The following CHRM3 variants were observed in gnomAD, a reference collection of about 807,000 sequenced individuals.
The protein encoded by CHRM3 is cholinergic receptor muscarinic 3.
Under a neutral mutation model 41.8 loss-of-function variants are expected in CHRM3, and 11 were observed. The ratio of observed to expected loss-of-function variants is 0.26; its 90% CI spans 0.17 to 0.44. The LOEUF (loss-of-function observed/expected upper bound fraction) is 0.44, where lower values mean the gene tolerates loss of function less well. CHRM3 is among the 20% of genes least tolerant of loss of function. CHRM3 has a pLI of 1.00. For synonymous variants in CHRM3, 297 were observed against 301.4 expected, an observed-to-expected ratio of 0.99 and a Z score of 0.15; for missense variants, 571 against 745.4, an observed-to-expected ratio of 0.77 and a Z score of 2.72.
chr1:239,859,380 T>C (rs1675390556), intron 6 of CHRM3, among the ~76,000 whole-genome samples: 1 of 151,928 alleles, frequency 6.6e-6, no homozygotes, highest in African/African-American at 2.4e-5. Context: ...CATCTTTTTA[T>C]GGATTTGTTG....
At chr1:239,900,827 G>T (rs191988418) in intron 6 of CHRM3, among the ~76,000 whole-genome samples, 1 of 152,160 alleles carries the variant, frequency 6.6e-6, no homozygotes, top group African/African-American at 2.4e-5. Context: ...TACATGTAAA[G>T]TGTGTATAAT....
At chr1:239,407,946 A>T (rs915356832) in intron 1 of CHRM3, among the ~76,000 whole-genome samples, 1 of 152,164 alleles carries the variant, frequency 6.6e-6, no homozygotes, top group African/African-American at 2.4e-5. Context: ...GGAAATCTGC[A>T]ACTGAGTACC....
At chr1:239,871,739 A>G (rs1189562749) in intron 6 of CHRM3, among the ~76,000 whole-genome samples, 1 of 152,146 alleles carries the variant, frequency 6.6e-6, no homozygotes, top group East Asian at 1.9e-4. Context: ...TACCCAACCT[A>G]AAAAGGATTT....
intron 1 of CHRM3, among the ~76,000 whole-genome samples, chr1:239,417,583 T>TTG (rs1159841565): frequency 1.3e-5 from 2 of 151,100 alleles, no homozygotes; most frequent in Non-Finnish European, 3.0e-5. Flanking sequence ...TAATTTGTTT[T>TTG]TTTTTTTTTT....
chr1:239,606,376 T>A (rs12738125), intron 3 of CHRM3, among the ~76,000 whole-genome samples: 3 of 151,540 alleles, frequency 2.0e-5, no homozygotes, highest in African/African-American at 7.3e-5. Flanking sequence ...CCTGGGTTCA[T>A]GCCATTCTCC....
intron 5 of CHRM3, among the ~76,000 whole-genome samples, chr1:239,760,810 G>A (rs985209954): frequency 1.8e-4 from 27 of 152,078 alleles, no homozygotes; most frequent in Non-Finnish European, 3.5e-4. Flanking sequence ...TTTATCCCTG[G>A]CTTTAAGCAG....
intron 5 of CHRM3, among the ~76,000 whole-genome samples, chr1:239,733,066 G>C (rs949350932): frequency 1.3e-5 from 2 of 151,968 alleles, no homozygotes; most frequent in African/African-American, 2.4e-5. Flanking sequence ...CCCTCCAGAC[G>C]TCTCCATTGC....
Position 239,491,836 on chromosome 1 carries a change from C to A in CHRM3, c.-520-873C>A, listed in dbSNP as rs374297297. Among the ~76,000 whole-genome samples the A allele has an allele frequency of 3.9e-5, 6 of 152,148 alleles. No individual in the cohort carries two copies. In the East Asian group the frequency reaches 7.7e-4, roughly 20 times the overall value. ...GTTTCTATTGCTTTTTAAACTCAAT[C>A]TTACTCTTTGCCTTCTAAACCCTTC... On this transcript the variant is annotated intron_variant, in intron 1 of 6. Coordinates refer to ENST00000676153, the MANE Select transcript of CHRM3 (RefSeq NM_001375978.1).
intron 3 of CHRM3, among the ~76,000 whole-genome samples, chr1:239,565,503 A>C (rs567195750): frequency 6.6e-6 from 1 of 152,298 alleles, no homozygotes; most frequent in East Asian, 1.9e-4. Flanking sequence ...AAGTCATACT[A>C]TGAAACTGTG....
At chr1:239,887,484 A>G (rs958777750) in intron 6 of CHRM3, among the ~76,000 whole-genome samples, 5 of 152,158 alleles carry the variant, frequency 3.3e-5, no homozygotes, top group African/African-American at 9.7e-5. Context: ...CAGCCTCCCA[A>G]AGTGCTGGGA....
chr1:239,881,773 G>A (rs1677656770), intron 6 of CHRM3, among the ~76,000 whole-genome samples: 1 of 151,992 alleles, frequency 6.6e-6, no homozygotes, highest in Admixed American at 6.6e-5. Context: ...ACCCTTTTGT[G>A]GTTCTTTCCC....
intron 6 of CHRM3, among the ~76,000 whole-genome samples, chr1:239,856,462 A>G (rs1010943607): frequency 6.6e-6 from 1 of 152,032 alleles, no homozygotes; most frequent in African/African-American, 2.4e-5. Context: ...GGCCATGTGA[A>G]TATGTGTTTG....
At chr1:239,753,226 T>G (rs1665974509) in intron 5 of CHRM3, among the ~76,000 whole-genome samples, 1 of 152,186 alleles carries the variant, frequency 6.6e-6, no homozygotes, top group South Asian at 2.1e-4. Flanking sequence ...AAGGCAAGAA[T>G]TATGTCTATG....
At chr1:239,862,686 A>G (rs905828321) in intron 6 of CHRM3, among the ~76,000 whole-genome samples, 1 of 152,208 alleles carries the variant, frequency 6.6e-6, no homozygotes, top group Non-Finnish European at 1.5e-5. Context: ...GAAAATAAAT[A>G]TGACTAAGAC....
At chr1:239,898,482 G>A (rs1287537650) in intron 6 of CHRM3, 1 of 152,166 alleles carries the variant, frequency 6.6e-6, no homozygotes, top group East Asian at 1.9e-4. Flanking sequence ...GACGCAGACT[G>A]GATTACAAAT....
chr1:239,404,644 A>G (rs958533269), intron 1 of CHRM3, among the ~76,000 whole-genome samples: 1 of 148,840 alleles, frequency 6.7e-6, no homozygotes. Flanking sequence ...TATAAACACA[A>G]TAGAGCAAGA....
At chr1:239,827,054 A>G (rs1672517781) in intron 5 of CHRM3, 198 bp from the exon 6 acceptor site, 1 of 152,250 alleles carries the variant, frequency 6.6e-6, no homozygotes, top group African/African-American at 2.4e-5. Flanking sequence ...ATTCAAGGCC[A>G]CCCACAGAAC....
chr1:239,421,954 T>A (rs1405826466), intron 1 of CHRM3, among the ~76,000 whole-genome samples: 1 of 152,208 alleles, frequency 6.6e-6, no homozygotes, highest in Non-Finnish European at 1.5e-5. Context: ...AATTCAATAA[T>A]TGTAAGGCTC....
At chr1:239,507,114 G>T (rs1668624077) in intron 2 of CHRM3, among the ~76,000 whole-genome samples, 2 of 152,138 alleles carry the variant, frequency 1.3e-5, no homozygotes, top group African/African-American at 4.8e-5. Flanking sequence ...GTGGACTTTT[G>T]AGTTAATGAT....
Sources: allele counts gnomAD v4.1 joint callset (sites outside exome capture counted in the v4.1 genomes callset), GRCh38; gene constraint gnomAD v4.1.1; transcripts MANE v1.5; gene names NCBI Gene and HGNC (gene_info 2026-07-23, HGNC 2026-07-21).